The following COX4I1 variants were observed in gnomAD, a reference collection of about 807,000 sequenced individuals.
COX4I1 encodes the protein cytochrome c oxidase subunit 4I1.
A neutral mutation model predicts 21.7 loss-of-function variants in COX4I1; 18 were observed. The ratio of observed to expected loss-of-function variants is 0.83; its 90% CI spans 0.57 to 1.23. COX4I1 has a LOEUF of 1.23. Among genes scored for constraint, COX4I1 ranks in the 50% most tolerant of loss-of-function variants. The pLI is 0.00. For synonymous variants in COX4I1, 100 were observed against 81.5 expected, an observed-to-expected ratio of 1.23 and a Z score of -1.23; for missense variants, 238 against 220.7, an observed-to-expected ratio of 1.08 and a Z score of -0.50.
At chr16:85,806,417 G>A in intron 4 of COX4I1, 1 of 564,614 alleles carries the variant, frequency 1.8e-6, no homozygotes, top group Non-Finnish European at 3.1e-6. Context: ...GAATGTGGAT[G>A]TGGGTTAATA....
At chr16:85,805,426 AG>A (rs1410693870) in intron 3 of COX4I1, 10 of 529,316 alleles carry the variant, frequency 1.9e-5, no homozygotes, top group South Asian at 1.1e-4. Flanking sequence ...TTGGTATGAA[AG>A]GGGCAGAAAA....
In COX4I1 at chr16:85,806,008, G is replaced by C. The variant is rs555048051; in HGVS notation, c.373+144G>C. 219 of 1,204,176 alleles carry C rather than the reference G, an allele frequency of 1.8e-4. 2 individuals are homozygous for C. The South Asian group carries it at 2.7e-3, about 15-fold the overall frequency. The allele number at this position is 1,204,176 out of a possible 1,614,324, so 74.6% of individuals were successfully genotyped here. On this transcript the variant is annotated intron_variant, in intron 4 of 4. Transcript: ENST00000253452. Reference sequence around the variant, plus strand: ...GAGTTCATCTCAGGATTGTTTCCAGGCCTTGGTGACCTGGAGAACTGAAGT... The same window carrying C: ...GAGTTCATCTCAGGATTGTTTCCAGCCCTTGGTGACCTGGAGAACTGAAGT...
intron 1 of COX4I1, among the ~76,000 whole-genome samples, chr16:85,800,189 G>C (rs1364373454): frequency 6.6e-6 from 1 of 152,254 alleles, no homozygotes; most frequent in Non-Finnish European, 1.5e-5. Flanking sequence ...GCTCACGCAA[G>C]GGCTAGGCCC....
At position 85,806,305 on chromosome 16, in the gene COX4I1, G is replaced by A. The variant is rs571596451; in HGVS notation, c.374-433G>A. The A allele has an allele frequency of 2.3e-3, 1,385 of 610,316 alleles. 8 individuals carry two copies. Among genetic ancestry groups the A allele is most frequent in the Non-Finnish European group, 3.2e-3 (1,109 of 343,560 alleles). The allele number at this position is 610,316 out of a possible 1,614,324, so 37.8% of individuals were successfully genotyped here. Reference sequence around the variant, plus strand: ...GATAGTTTGTGTGTGGGCATTGCCGGGTTGCTCGCTCGTGGTAATGACTCT... The same window carrying A: ...GATAGTTTGTGTGTGGGCATTGCCGAGTTGCTCGCTCGTGGTAATGACTCT... On this transcript the variant is annotated intron_variant, in intron 4 of 4. Transcript: ENST00000253452.
chr16:85,806,278 C>T, intron 4 of COX4I1: 1 of 602,178 alleles, frequency 1.7e-6, no homozygotes, highest in Non-Finnish European at 2.9e-6. Context: ...GGGTCCCGAC[C>T]TGATAGTTTG....
chr16:85,802,397 C>G (rs374529675), intron 2 of COX4I1, among the ~76,000 whole-genome samples: 1 of 152,184 alleles, frequency 6.6e-6, no homozygotes, highest in East Asian at 1.9e-4. Flanking sequence ...GAGTGTAAGC[C>G]TTTTGAGGCC....
At chr16:85,801,083 T>C in intron 1 of COX4I1, 122 bp from the exon 2 acceptor site, 3 of 703,478 alleles carry the variant, frequency 4.3e-6, no homozygotes, top group Non-Finnish European at 7.6e-6. Flanking sequence ...TGATAAAGAA[T>C]GGATCATTTG....
In COX4I1 at chr16:85,806,730, C is replaced by G. The variant is rs776935149; in HGVS notation, c.374-8C>G. On this transcript the variant is annotated splice_polypyrimidine_tract_variant and splice_region_variant and intron_variant, in intron 4 of 4. Transcript: ENST00000253452. ...TAGTCTTGCCCCATAACCTGTCTCA[C>G]ACCGTAGTGTACGGCCCCCTCCCGC... 6.2e-7 allele frequency: 1 copy of G among 1,614,032 alleles called. No individual in the cohort carries two copies. The highest frequency in any genetic ancestry group is 8.5e-7 in the Non-Finnish European group (1 of 1,179,936).
chr16:85,801,074 G>A (rs1905704142), intron 1 of COX4I1, 131 bp from the exon 2 acceptor site: 2 of 663,410 alleles, frequency 3.0e-6, no homozygotes, highest in Admixed American at 2.3e-5. Context: ...CAGAGACAGT[G>A]ATAAAGAATG....
chr16:85,801,684 A>G (rs946442940), intron 2 of COX4I1, among the ~76,000 whole-genome samples: 1 of 152,180 alleles, frequency 6.6e-6, no homozygotes, highest in African/African-American at 2.4e-5. Context: ...TGGACTTCCT[A>G]GCCTGAGCTG....
rs987879461 is a variant in COX4I1 at position 85,803,651 on chromosome 16, T to C, written c.74-1286T>C. 77 of 148,026 alleles carry C rather than the reference T, an allele frequency of 5.2e-4. 1 individual carries two copies. Among genetic ancestry groups the C allele is most frequent in the African/African-American group, 1.7e-3 (65 of 37,744 alleles). The allele number at this position is 148,026 out of a possible 1,614,324, so 9.2% of individuals were successfully genotyped here. ...AAGGCACTAAAATAACAGAAGCAGA[T>C]AGAGCAGAAATCCTCACTCAGATCT... is the stretch of plus-strand genomic sequence containing the variant. On this transcript the variant is annotated intron_variant, in intron 2 of 4. Transcript: ENST00000253452.
chr16:85,806,000 G>C lies in COX4I1; in HGVS notation c.373+136G>C, dbSNP rs1040272537. Reference sequence around the variant, plus strand: ...GCATTCCAGAGTTCATCTCAGGATTGTTTCCAGGCCTTGGTGACCTGGAGA... The same window carrying C: ...GCATTCCAGAGTTCATCTCAGGATTCTTTCCAGGCCTTGGTGACCTGGAGA... On this transcript the variant is annotated intron_variant, in intron 4 of 4. Transcript: ENST00000253452. 20 of 1,279,610 alleles carry C rather than the reference G, an allele frequency of 1.6e-5. No homozygotes were observed. In the Admixed American group the frequency reaches 4.3e-4, roughly 28 times the overall value. The allele number at this position is 1,279,610 out of a possible 1,614,324, so 79.3% of individuals were successfully genotyped here. A position where few individuals can be genotyped will look rare whatever the true frequency, so the allele number is the denominator to read the frequency against.
At chr16:85,800,116 C>G (rs545892230) in intron 1 of COX4I1, among the ~76,000 whole-genome samples, 31 of 152,220 alleles carry the variant, frequency 2.0e-4, no homozygotes, top group Non-Finnish European at 3.5e-4. Flanking sequence ...TGCAACCCCT[C>G]CCGGGTTTTG....
At chr16:85,802,160 G>A (rs1440277553) in intron 2 of COX4I1, among the ~76,000 whole-genome samples, 2 of 152,092 alleles carry the variant, frequency 1.3e-5, no homozygotes, top group African/African-American at 2.4e-5. Flanking sequence ...CTTGCTCACT[G>A]CCCCAGCCCC....
intron 4 of COX4I1, 182 bp from the exon 5 acceptor site, chr16:85,806,556 G>A: frequency 1.2e-6 from 1 of 853,262 alleles, no homozygotes; most frequent in Non-Finnish European, 1.9e-6. Context: ...CAAACAAAGG[G>A]CTAATTTTAA....
In COX4I1 at chr16:85,805,750, A is replaced by C; in HGVS notation, c.259A>C (p.Lys87Gln). ...EKVELYRIKF[K>Q]ESFAEMNRGS... Reference sequence around the variant, plus strand: ...GCCCCCAGTGTATCGCATTAAGTTCAAGGAGAGCTTTGCTGAGATGAACAG... The same window carrying C: ...GCCCCCAGTGTATCGCATTAAGTTCCAGGAGAGCTTTGCTGAGATGAACAG... Residue 87 changes from lysine to glutamine, a missense_variant, in exon 4 of 5, where the codon AAG becomes CAG. By Grantham distance (53) the Lys-to-Gln change is moderately conservative. Transcript: ENST00000253452. 1 of 1,614,234 alleles carries C rather than the reference A, an allele frequency of 6.2e-7. No individual in the cohort carries two copies. Among genetic ancestry groups the C allele is most frequent in the East Asian group, 2.2e-5 (1 of 44,876 alleles).
chr16:85,801,498 A>C lies in COX4I1; in HGVS notation c.73+220A>C, dbSNP rs138142533. On this transcript the variant is annotated intron_variant, in intron 2 of 4. Transcript: ENST00000253452. ...TCTTTGGTTATACTGATACTTCCCC[A>C]CTTACCCTTCCCTTCCGTTCCACTT... 9.5e-3 allele frequency among the ~76,000 whole-genome samples: 1,446 copies of C among 152,106 alleles called. 22 individuals carry two copies. The highest frequency in any genetic ancestry group is 0.033 in the African/African-American group (1,354 of 41,474).
chr16:85,803,203 A>C (rs1185701090), intron 2 of COX4I1: 1 of 152,232 alleles, frequency 6.6e-6, no homozygotes, highest in African/African-American at 2.4e-5. Context: ...TAGTTCACTC[A>C]TCATTTTCAT....
intron 2 of COX4I1, chr16:85,804,255 C>T (rs1168918682): frequency 6.6e-6 from 1 of 152,260 alleles, no homozygotes; most frequent in Non-Finnish European, 1.5e-5. Flanking sequence ...TGTTCTTCCT[C>T]ATTAGTTTGA....
Sources: allele counts gnomAD v4.1 joint callset (sites outside exome capture counted in the v4.1 genomes callset), GRCh38; gene constraint gnomAD v4.1.1; transcripts MANE v1.5; gene names NCBI Gene and HGNC (gene_info 2026-07-23, HGNC 2026-07-21).